Variants in MAML2 observed in about 807,000 individuals in gnomAD.
The protein encoded by MAML2 is mastermind like transcriptional coactivator 2.
A neutral mutation model predicts 96.1 loss-of-function variants in MAML2; 22 were observed. The observed-to-expected ratio is 0.23, with a 90% confidence interval of 0.16 to 0.33. The LOEUF is 0.33. Ranked by LOEUF, MAML2 falls within the 10% of genes least tolerant of loss-of-function variation. The pLI is 1.00. For synonymous variants in MAML2, 561 were observed against 521.3 expected, an observed-to-expected ratio of 1.08 and a Z score of -1.04; for missense variants, 1,367 against 1,392.4, an observed-to-expected ratio of 0.98 and a Z score of 0.29.
chr11:96,086,223 C>T (rs1483888856), intron 2 of MAML2, among the ~76,000 whole-genome samples: 1 of 152,040 alleles, frequency 6.6e-6, no homozygotes, highest in Non-Finnish European at 1.5e-5. Context: ...TCTTTTAATC[C>T]CCAGTTCCTG....
At chr11:96,005,234 T>C (rs1332482085) in intron 2 of MAML2, among the ~76,000 whole-genome samples, 2 of 150,974 alleles carry the variant, frequency 1.3e-5, no homozygotes, top group Non-Finnish European at 2.9e-5. Flanking sequence ...GCATTTATTT[T>C]AACTATTATC....
chr11:96,005,086 C>A (rs1591086729), intron 2 of MAML2, among the ~76,000 whole-genome samples: 1 of 152,212 alleles, frequency 6.6e-6, no homozygotes, highest in East Asian at 1.9e-4. Flanking sequence ...TCACCAGACA[C>A]AAATGCCAGT....
At chr11:96,159,645 C>T (rs915880590) in intron 1 of MAML2, among the ~76,000 whole-genome samples, 1 of 151,996 alleles carries the variant, frequency 6.6e-6, no homozygotes, top group African/African-American at 2.4e-5. Context: ...AGGATGGTCT[C>T]GATCTCCTGA....
chr11:96,266,545 T>C (rs1279405778), intron 1 of MAML2, among the ~76,000 whole-genome samples: 2 of 151,062 alleles, frequency 1.3e-5, no homozygotes, highest in East Asian at 1.9e-4. Context: ...CACTCCACCC[T>C]GGGCAACAGA....
At chr11:96,252,021 C>T (rs1022104145) in intron 1 of MAML2, among the ~76,000 whole-genome samples, 2 of 152,040 alleles carry the variant, frequency 1.3e-5, no homozygotes, top group African/African-American at 4.8e-5. Context: ...CATGAGCCAC[C>T]GCGCCCAGTC....
chr11:96,329,130 G>A (rs183744595), intron 1 of MAML2, among the ~76,000 whole-genome samples: 74 of 151,942 alleles, frequency 4.9e-4, no homozygotes, highest in African/African-American at 1.7e-3. Context: ...AGGGGTAATC[G>A]CTTGGGAATC....
chr11:96,072,955 C>A (rs1859370708), intron 2 of MAML2, among the ~76,000 whole-genome samples: 1 of 152,128 alleles, frequency 6.6e-6, no homozygotes, highest in African/African-American at 2.4e-5. Flanking sequence ...CAGTCCAAAC[C>A]CCTTCTCTTA....
intron 1 of MAML2, among the ~76,000 whole-genome samples, chr11:96,143,134 T>C (rs1216703478): frequency 1.3e-5 from 2 of 152,258 alleles, no homozygotes; most frequent in Non-Finnish European, 2.9e-5. Context: ...GAACTGTGGC[T>C]TGAATACAAC....
At chr11:96,082,510 C>T (rs559699943) in intron 2 of MAML2, among the ~76,000 whole-genome samples, 1 of 152,274 alleles carries the variant, frequency 6.6e-6, no homozygotes, top group African/African-American at 2.4e-5. Flanking sequence ...CAGGATGTTA[C>T]AGCCAGTAGG....
At chr11:96,104,191 T>C (rs1859983207) in intron 1 of MAML2, among the ~76,000 whole-genome samples, 1 of 152,184 alleles carries the variant, frequency 6.6e-6, no homozygotes, top group African/African-American at 2.4e-5. Flanking sequence ...TGTTATAAAA[T>C]AAACCCTAGA....
intron 1 of MAML2, among the ~76,000 whole-genome samples, chr11:96,251,336 G>A (rs1200757244): frequency 2.6e-5 from 4 of 152,222 alleles, no homozygotes; most frequent in African/African-American, 9.7e-5. Context: ...CATGATTGGT[G>A]ATCTACGGTA....
intron 1 of MAML2, among the ~76,000 whole-genome samples, chr11:96,261,568 A>G (rs936749631): frequency 6.6e-6 from 1 of 152,238 alleles, no homozygotes; most frequent in Non-Finnish European, 1.5e-5. Flanking sequence ...AGCCGAAGGT[A>G]TCGTCTAATG....
Position 96,284,862 on chromosome 11 carries a change from C to A in MAML2, c.513+56521G>T, listed in dbSNP as rs77073067. Among the ~76,000 whole-genome samples, 53 of 152,264 alleles carry A rather than the reference C, an allele frequency of 3.5e-4. No homozygotes were observed. The East Asian group carries it at 9.8e-3, about 28-fold the overall frequency. ...CTCTATAATAATATTTACTCAGAAC[C>A]TGTAATGTGCTGAACATTCTAATCA... On this transcript the variant is annotated intron_variant, in intron 1 of 4. Transcript: ENST00000524717.
intron 1 of MAML2, among the ~76,000 whole-genome samples, chr11:96,304,646 A>C (rs1171847104): frequency 6.6e-6 from 1 of 152,158 alleles, no homozygotes; most frequent in Non-Finnish European, 1.5e-5. Context: ...GCTTCCTATT[A>C]GTCCTAATTT....
chr11:96,188,222 T>G (rs1432939745), intron 1 of MAML2, among the ~76,000 whole-genome samples: 1 of 152,240 alleles, frequency 6.6e-6, no homozygotes, highest in African/African-American at 2.4e-5. Flanking sequence ...TTCTTTTTCT[T>G]AAGCTTTCCC....
intron 1 of MAML2, among the ~76,000 whole-genome samples, chr11:96,276,585 G>A (rs776803632): frequency 6.6e-6 from 1 of 152,124 alleles, no homozygotes; most frequent in Non-Finnish European, 1.5e-5. Context: ...GCCAAGTTTA[G>A]GCCAAAGAAG....
chr11:96,039,882 C>T lies in MAML2; in HGVS notation c.2140-48159G>A, dbSNP rs1020553055. ...CTGAGGCAGGAGAATGGCGTGAACC[C>T]GGGAGGCGAAGCTTGCAGTGAGCAG... On this transcript the variant is annotated intron_variant, in intron 2 of 4. Coordinates refer to ENST00000524717, the MANE Select transcript of MAML2 (RefSeq NM_032427.4). Among the ~76,000 whole-genome samples the T allele has an allele frequency of 4.9e-4, 74 of 150,648 alleles. 1 individual carries two copies. Among genetic ancestry groups the T allele is most frequent in the Non-Finnish European group, 1.2e-4 (8 of 67,740 alleles).
intron 1 of MAML2, among the ~76,000 whole-genome samples, chr11:96,270,028 C>T (rs1862893196): frequency 7.0e-6 from 1 of 143,802 alleles, no homozygotes; most frequent in South Asian, 2.2e-4. Context: ...CTCCCCTGAA[C>T]TCCAGTCATA....
intron 1 of MAML2, among the ~76,000 whole-genome samples, chr11:96,148,556 GAAC>G (rs1356180524): frequency 6.6e-6 from 1 of 151,252 alleles, no homozygotes; most frequent in East Asian, 1.9e-4. Context: ...GCCTGAAGCT[GAAC>G]ATTATTTTAT....
Sources: allele counts gnomAD v4.1 joint callset (sites outside exome capture counted in the v4.1 genomes callset), GRCh38; gene constraint gnomAD v4.1.1; transcripts MANE v1.5; gene names NCBI Gene and HGNC (gene_info 2026-07-23, HGNC 2026-07-21).